KIAA0753: variants seen among roughly 807,000 people sequenced by gnomAD.
The protein encoded by KIAA0753 is protein moonraker.
A neutral mutation model predicts 116.9 loss-of-function variants in KIAA0753; 114 were observed. The observed-to-expected ratio is 0.98, with a 90% CI of 0.84 to 1.14. The LOEUF (loss-of-function observed/expected upper bound fraction) is 1.14. Among genes scored for constraint, KIAA0753 ranks in the 50% most tolerant of loss-of-function variants. The pLI, the probability that KIAA0753 is intolerant of heterozygous loss-of-function variation, is 0.00. For missense variants in KIAA0753, 1,156 were observed against 1,172.4 expected, an observed-to-expected ratio of 0.99 and a Z score of 0.20; for synonymous variants, 405 against 413.1, an observed-to-expected ratio of 0.98 and a Z score of 0.24.
chr17:6,619,942 T>G (rs1971192149), intron 7 of KIAA0753, among the ~76,000 whole-genome samples: 1 of 152,208 alleles, frequency 6.6e-6, no homozygotes, highest in Non-Finnish European at 1.5e-5. Context: ...ATGTTTACAA[T>G]TTTAAAATGT....
intron 16 of KIAA0753, among the ~76,000 whole-genome samples, chr17:6,591,064 A>AGGAAGAAGGAAGAAGGAAGAAG (rs879345492): frequency 5.6e-5 from 5 of 88,894 alleles, no homozygotes; most frequent in African/African-American, 2.8e-4. Context: ...AAGAAGAAGA[A>AGGAAGAAGGAAGAAGGAAGAAG]GAAGAAGAAG....
chr17:6,596,363 G>A lies in KIAA0753; in HGVS notation c.2173-20C>T. ...TGCAACCTACAAGATGGGGTGGGGTGGGGAGGAGAGGCATGGGGTGGATTA... is the reference window on the plus strand; with the variant it reads ...TGCAACCTACAAGATGGGGTGGGGTAGGGAGGAGAGGCATGGGGTGGATTA... On this transcript the variant is annotated intron_variant, in intron 14 of 18. Transcript: ENST00000361413. The A allele has an allele frequency of 6.3e-7, 1 of 1,594,490 alleles. No individual in the cohort carries two copies. The highest frequency in any genetic ancestry group is 8.6e-7 in the Non-Finnish European group (1 of 1,165,188).
intron 18 of KIAA0753, among the ~76,000 whole-genome samples, chr17:6,586,267 T>G (rs1022309128): frequency 6.6e-6 from 1 of 152,158 alleles, no homozygotes; most frequent in African/African-American, 2.4e-5. Context: ...CCTGCAGAAC[T>G]GTAAGCTAAT....
Position 6,628,486 on chromosome 17 carries a change from TATG to T in KIAA0753, c.346_348del (p.His116del). 2 of 1,614,232 alleles carry T rather than the reference TATG, an allele frequency of 1.2e-6. No homozygotes were observed. Among genetic ancestry groups the T allele is most frequent in the Non-Finnish European group, 1.7e-6 (2 of 1,180,038 alleles). On this transcript the variant is annotated inframe_deletion, in exon 3 of 19. Coordinates refer to ENST00000361413, the MANE Select transcript of KIAA0753 (RefSeq NM_014804.3). ...TGACTTCTGAGATGATGTTCTTTTA[TATG>T]TTTTTCAAATTGTCTTCGTTTCACA...
Position 6,623,505 on chromosome 17 carries a change from A to AGTGTGTTTAATTTTATGTGGACTCAAC in KIAA0753, c.888+3_888+4insGTTGAGTCCACATAAAATTAAACACAC. ...GTATTGATCATAATTTAATTGCAGC[A>AGTGTGTTTAATTTTATGTGGACTCAAC]TACCTTCTTAGTGTGTTTAATTTTA... On this transcript the variant is annotated splice_donor_region_variant and intron_variant, in intron 5 of 18. Transcript: ENST00000361413. 1.3e-6 allele frequency: 2 copies of AGTGTGTTTAATTTTATGTGGACTCAAC among 1,590,930 alleles called. No homozygotes were observed. The highest frequency in any genetic ancestry group is 2.2e-5 in the South Asian group (2 of 88,998).
chr17:6,631,208 A>T (rs1005789828), intron 2 of KIAA0753, among the ~76,000 whole-genome samples: 1 of 152,248 alleles, frequency 6.6e-6, no homozygotes, highest in Non-Finnish European at 1.5e-5. Context: ...AATCTCAGAT[A>T]AGTAACATAA....
chr17:6,604,222 C>T (rs1567555354), intron 12 of KIAA0753, among the ~76,000 whole-genome samples: 1 of 149,910 alleles, frequency 6.7e-6, no homozygotes, highest in Admixed American at 6.7e-5. Flanking sequence ...ATAATAGCCC[C>T]AAACTGGAAA....
intron 2 of KIAA0753, among the ~76,000 whole-genome samples, chr17:6,633,390 G>A (rs867660928): frequency 2.8e-4 from 43 of 152,156 alleles, no homozygotes; most frequent in Admixed American, 2.6e-4. Context: ...ACAACAACAA[G>A]TGTTGGCAAA....
In KIAA0753 at chr17:6,588,488, G is replaced by A. The variant is rs564024217; in HGVS notation, c.2786+1291C>T. ...CTGGACTCAGGTAGGAGGAAAAGGG[G>A]TCTCAGGAGAAAAAGTAAGGGTGGG... On this transcript the variant is annotated intron_variant, in intron 18 of 18. Transcript: ENST00000361413. Among the ~76,000 whole-genome samples the A allele has an allele frequency of 1.1e-4, 16 of 152,206 alleles. 1 individual carries two copies. Among genetic ancestry groups the A allele is most frequent in the African/African-American group, 3.9e-4 (16 of 41,504 alleles).
intron 18 of KIAA0753, among the ~76,000 whole-genome samples, chr17:6,585,751 A>G (rs1207105931): frequency 6.6e-6 from 1 of 152,166 alleles, no homozygotes; most frequent in Non-Finnish European, 1.5e-5. Flanking sequence ...TAGCTCTCTG[A>G]GAATATTAAT....
rs1323547942 is a variant in KIAA0753, at chr17:6,589,809, C to T, written c.2756G>A (p.Gly919Asp). The stretch of plus-strand genomic sequence containing the variant: ...AGCTATCAGCCACGGGTTGAAGGAG[C>T]CTACAGCCTCATGAGATATGATCCG... ...YLRIISHEAV[G>D]SFNPWLIAES... The change falls in exon 18 of 19, where the codon GGC (glycine) becomes GAC (aspartate). Residue 919 changes from glycine (G) to aspartate (D), a missense_variant. Gly to Asp is a moderately conservative substitution (Grantham distance 94). Transcript: ENST00000361413. The T allele has an allele frequency of 6.2e-7, 1 of 1,613,156 alleles. No homozygotes were observed. Among genetic ancestry groups the T allele is most frequent in the Admixed American group, 1.7e-5 (1 of 59,794 alleles).
intron 5 of KIAA0753, 90 bp downstream of exon 5, chr17:6,623,419 A>C: frequency 9.7e-7 from 1 of 1,025,694 alleles, no homozygotes; most frequent in Non-Finnish European, 1.5e-6. Context: ...TGAAAATAAC[A>C]TTAGTGCAGA....
At chr17:6,600,721 T>C (rs1969810399) in intron 12 of KIAA0753, among the ~76,000 whole-genome samples, 1 of 152,076 alleles carries the variant, frequency 6.6e-6, no homozygotes, top group African/African-American at 2.4e-5. Flanking sequence ...TGCACAGGGA[T>C]TTAGGTAACA....
chr17:6,612,103 T>G lies in KIAA0753; in HGVS notation c.1361A>C (p.Gln454Pro), dbSNP rs373945805. Residue 454 changes from glutamine (Q) to proline (P), a missense_variant, in exon 8 of 19, where the codon CAG becomes CCG. Coordinates refer to ENST00000361413, the MANE Select transcript of KIAA0753 (RefSeq NM_014804.3). ...CGCATCTAATACATCAAGCTCACTC[T>G]GCAACCTCTGGGTCTCCGGAAGCTC... ...DTELPETQRL[Q>P]SELDVLDADI... is the part of the protein sequence containing the mutation. 1 of 1,614,090 alleles carries G rather than the reference T, an allele frequency of 6.2e-7. No homozygotes were observed. The highest frequency in any genetic ancestry group is 8.5e-7 in the Non-Finnish European group (1 of 1,180,006).
intron 16 of KIAA0753, among the ~76,000 whole-genome samples, chr17:6,591,046 A>AGGAAGAAGGAAGAAGGAAGAAG (rs368460503): frequency 1.2e-4 from 6 of 48,280 alleles, no homozygotes; most frequent in South Asian, 7.2e-4. Context: ...AGAAGGAAGA[A>AGGAAGAAGGAAGAAGGAAGAAG]GAAGAAGAAG....
chr17:6,611,196 T>C (rs181322500), intron 8 of KIAA0753, among the ~76,000 whole-genome samples: 15 of 152,330 alleles, frequency 9.8e-5, no homozygotes, highest in Admixed American at 7.2e-4. Flanking sequence ...TCAAATCAAG[T>C]TGTACCCTGC....
intron 18 of KIAA0753, among the ~76,000 whole-genome samples, chr17:6,586,164 G>A (rs1968561462): frequency 6.6e-6 from 1 of 152,064 alleles, no homozygotes; most frequent in African/African-American, 2.4e-5. Flanking sequence ...TATGTGATGT[G>A]ACTGTTCCCC....
intron 1 of KIAA0753, 34 bp downstream of exon 1, chr17:6,640,603 C>T (rs1190172748): frequency 1.3e-5 from 2 of 153,288 alleles, no homozygotes; most frequent in African/African-American, 4.8e-5. Context: ...TATGCGGCTT[C>T]CCAGAATCCC....
chr17:6,619,853 G>A (rs1291774204), intron 7 of KIAA0753, among the ~76,000 whole-genome samples: 1 of 152,114 alleles, frequency 6.6e-6, no homozygotes, highest in Non-Finnish European at 1.5e-5. Context: ...ACAAAGTCCC[G>A]TATTTCATCA....
Sources: gnomAD v4.1 joint callset for allele counts (sites outside exome capture counted in the v4.1 genomes callset) on GRCh38, gnomAD v4.1.1 for gene constraint, MANE v1.5 for transcripts, NCBI Gene and HGNC (gene_info 2026-07-23, HGNC 2026-07-21) for gene names.